The following GTF2A2 variants were observed in gnomAD, a reference collection of about 807,000 sequenced individuals.
GTF2A2 encodes the protein transcription initiation factor IIA subunit 2.
In GTF2A2, 9 loss-of-function variants were observed where a neutral mutation model predicts 14.3. The ratio of observed to expected loss-of-function variants is 0.63; its 90% CI spans 0.38 to 1.10. The LOEUF is 1.10. Ranked by LOEUF, GTF2A2 falls within the 50% of genes least tolerant of loss-of-function variation. The probability of loss-of-function intolerance (pLI) is 0.01; values close to 1 mark genes in which losing one functional copy is unlikely to be tolerated. For missense variants in GTF2A2, 90 were observed against 124.6 expected, an observed-to-expected ratio of 0.72 and a Z score of 1.32; for synonymous variants, 56 against 46.0, an observed-to-expected ratio of 1.22 and a Z score of -0.88.
intron 3 of GTF2A2, among the ~76,000 whole-genome samples, chr15:59,648,301 A>G (rs1300106362): frequency 1.3e-5 from 2 of 150,434 alleles, no homozygotes; most frequent in East Asian, 2.0e-4. Flanking sequence ...CCAGCTATTC[A>G]GGAGGCTGAG....
At chr15:59,642,348 C>G in intron 3 of GTF2A2, 86 bp from the exon 4 acceptor site, 1 of 1,183,414 alleles carries the variant, frequency 8.5e-7, no homozygotes, top group Non-Finnish European at 1.2e-6. Flanking sequence ...TCTTAGCTAC[C>G]AAGAACATAA....
intron 4 of GTF2A2, chr15:59,640,337 T>TTTGATATTATACACCAGTA (rs1891368766): frequency 1.3e-5 from 2 of 152,218 alleles, no homozygotes; most frequent in Non-Finnish European, 2.9e-5. Context: ...ACATGGATTC[T>TTTGATATTATACACCAGTA]TTGATATTAT....
chr15:59,650,193 A>C (rs1298013956), intron 3 of GTF2A2, among the ~76,000 whole-genome samples: 1 of 152,208 alleles, frequency 6.6e-6, no homozygotes, highest in Non-Finnish European at 1.5e-5. Context: ...ACCAGAATAG[A>C]CTGTTATCTA....
At chr15:59,655,521 T>C (rs1891916660) in intron 1 of GTF2A2, among the ~76,000 whole-genome samples, 2 of 152,328 alleles carry the variant, frequency 1.3e-5, no homozygotes, top group South Asian at 4.1e-4. Context: ...TTTCGGATTG[T>C]CCTAACTCAC....
chr15:59,643,326 C>T (rs547175192), intron 3 of GTF2A2, among the ~76,000 whole-genome samples: 9 of 151,932 alleles, frequency 5.9e-5, no homozygotes, highest in African/African-American at 1.9e-4. Flanking sequence ...ATGATCTGCC[C>T]GCCGTGGCCT....
At chr15:59,643,961 C>T (rs1303125247) in intron 3 of GTF2A2, among the ~76,000 whole-genome samples, 2 of 152,152 alleles carry the variant, frequency 1.3e-5, no homozygotes, top group East Asian at 3.9e-4. Flanking sequence ...GTGCTGTGAT[C>T]TTGACCAACT....
chr15:59,643,995 A>C (rs1289993894), intron 3 of GTF2A2, among the ~76,000 whole-genome samples: 1 of 152,136 alleles, frequency 6.6e-6, no homozygotes, highest in African/African-American at 2.4e-5. Flanking sequence ...CCCAGGTTCA[A>C]GTGATTCTCC....
chr15:59,648,205 G>A (rs909217636), intron 3 of GTF2A2, among the ~76,000 whole-genome samples: 1 of 151,650 alleles, frequency 6.6e-6, no homozygotes, highest in Non-Finnish European at 1.5e-5. Flanking sequence ...TCAGGAGTTC[G>A]AGACCAGCCT....
intron 1 of GTF2A2, among the ~76,000 whole-genome samples, chr15:59,655,325 A>T (rs1429226118): frequency 6.6e-6 from 1 of 152,152 alleles, no homozygotes; most frequent in African/African-American, 2.4e-5. Context: ...CTGTCTCCCA[A>T]TTCCTTTTTT....
chr15:59,648,569 T>C (rs1217520118), intron 3 of GTF2A2, among the ~76,000 whole-genome samples: 1 of 152,084 alleles, frequency 6.6e-6, no homozygotes, highest in Non-Finnish European at 1.5e-5. Flanking sequence ...TTAGCTCTCA[T>C]ACTTAAGAGG....
rs577064169 is a variant in GTF2A2, at chr15:59,655,104, T to C, written c.-50+2302A>G. Among the ~76,000 whole-genome samples, 4 of 152,346 alleles carry C rather than the reference T, an allele frequency of 2.6e-5. No individual in the cohort carries two copies. The South Asian group carries it at 6.2e-4, about 24-fold the overall frequency. On this transcript the variant is annotated intron_variant, in intron 1 of 4. Coordinates refer to ENST00000396060, the MANE Select transcript of GTF2A2 (RefSeq NM_004492.3). ...TTGTCTTCTAATTCACTCAAGGATATTGTTCTGACAATTCAGTTGTTACTT... is the reference window on the plus strand; with the variant it reads ...TTGTCTTCTAATTCACTCAAGGATACTGTTCTGACAATTCAGTTGTTACTT...
At chr15:59,655,161 C>T (rs1001436320) in intron 1 of GTF2A2, among the ~76,000 whole-genome samples, 2 of 152,162 alleles carry the variant, frequency 1.3e-5, no homozygotes, top group African/African-American at 4.8e-5. Context: ...TCCCTCTCTG[C>T]GGATCATTTC....
chr15:59,639,279 G>A, intron 4 of GTF2A2, 122 bp from the exon 5 acceptor site: 1 of 702,556 alleles, frequency 1.4e-6, no homozygotes, highest in South Asian at 1.5e-5. Flanking sequence ...GGCTTGCAGG[G>A]TGGGGAAGAA....
intron 1 of GTF2A2, among the ~76,000 whole-genome samples, chr15:59,655,149 T>C (rs1360409431): frequency 6.6e-6 from 1 of 152,170 alleles, no homozygotes; most frequent in Non-Finnish European, 1.5e-5. Flanking sequence ...ACCATCAAAT[T>C]TTCCCTCTCT....
intron 3 of GTF2A2, among the ~76,000 whole-genome samples, chr15:59,645,806 T>C (rs1891585126): frequency 6.6e-6 from 1 of 151,382 alleles, no homozygotes; most frequent in Non-Finnish European, 1.5e-5. Flanking sequence ...GATGCTGAGG[T>C]GGGAGGGTCA....
rs1891397563 is a variant in GTF2A2 at position 59,640,906 on chromosome 15, T to TAACTA, written c.304+1225_304+1229dup. On this transcript the variant is annotated intron_variant, in intron 4 of 4. Transcript: ENST00000396060. ...GTATCTAATGACTATAATAAAAAGT[T>TAACTA]AACTATGCCCAAAGTTCTTAGAATG... Among the ~76,000 whole-genome samples, 3 of 151,098 alleles carry TAACTA rather than the reference T, an allele frequency of 2.0e-5. No homozygotes were observed. The East Asian group carries it at 6.0e-4, about 30-fold the overall frequency.
At chr15:59,646,620 C>G (rs1418009674) in intron 3 of GTF2A2, among the ~76,000 whole-genome samples, 2 of 152,118 alleles carry the variant, frequency 1.3e-5, no homozygotes, top group Non-Finnish European at 2.9e-5. Flanking sequence ...ATATCATATG[C>G]TGAAATTCCA....
intron 3 of GTF2A2, among the ~76,000 whole-genome samples, chr15:59,648,397 G>A (rs1464438593): frequency 1.6e-4 from 6 of 37,062 alleles, no homozygotes; most frequent in South Asian, 2.4e-3. Context: ...AACAGACTTC[G>A]TCTCAAAAAA....
rs531329652 is a variant in GTF2A2, at chr15:59,651,238, C to T, written c.73-465G>A. On this transcript the variant is annotated intron_variant, in intron 2 of 4. Coordinates refer to ENST00000396060, the MANE Select transcript of GTF2A2 (RefSeq NM_004492.3). The stretch of plus-strand genomic sequence containing the variant: ...TGTTCCCCAGGCTGGAGTGCAATGG[C>T]GCAATCTTAGCTCACCACAACCTCT... 8.5e-5 allele frequency: 13 copies of T among 152,550 alleles called. No homozygotes were observed. In the South Asian group the frequency reaches 2.4e-3, roughly 28 times the overall value. 9.4% of individuals were successfully genotyped at this position (152,550 alleles called of 1,614,324 possible).
Sources: gnomAD v4.1 joint callset for allele counts (sites outside exome capture counted in the v4.1 genomes callset) on GRCh38, gnomAD v4.1.1 for gene constraint, MANE v1.5 for transcripts, NCBI Gene and HGNC (gene_info 2026-07-23, HGNC 2026-07-21) for gene names.